The following PAK1IP1 variants were observed in gnomAD, a reference collection of about 807,000 sequenced individuals.
PAK1IP1 encodes the protein p21-activated protein kinase-interacting protein 1.
In PAK1IP1, 24 loss-of-function variants were observed where a neutral mutation model predicts 42.0. The ratio of observed to expected loss-of-function variants is 0.57; its 90% CI spans 0.41 to 0.80. The LOEUF is 0.80. Ranked by LOEUF, PAK1IP1 falls within the 30% of genes least tolerant of loss-of-function variation. The pLI, the probability that PAK1IP1 is intolerant of heterozygous loss-of-function variation, is 0.00. For missense variants in PAK1IP1, 411 were observed against 467.9 expected (o/e 0.88, Z 1.12); for synonymous variants, 154 against 156.7 (o/e 0.98, Z 0.13).
At chr6:10,697,635 C>T in intron 2 of PAK1IP1, 149 bp downstream of exon 2, 2 of 621,020 alleles carry the variant, frequency 3.2e-6, no homozygotes, top group African/African-American at 3.7e-5. Context: ...TAGCCTGGCA[C>T]AATGGCTCAC....
Position 10,702,483 on chromosome 6 carries a change from C to T in PAK1IP1, c.362C>T (p.Ala121Val), listed in dbSNP as rs1213806151. 1 of 1,614,138 alleles carries T rather than the reference C, an allele frequency of 6.2e-7. No homozygotes were observed. ...TGGGAATGCCTGAAGTCAATTAAAG[C>T]TCACAAGTGAGTCGGGCTCTTTCCC... ...KKWECLKSIK[A>V]HKGQVTFLSI... Residue 121 changes from alanine to valine, a missense_variant, in exon 3 of 10, where the codon GCT (alanine) becomes GTT (valine). By Grantham distance (64) the Ala-to-Val change is moderately conservative. Transcript: ENST00000379568.
intron 4 of PAK1IP1, among the ~76,000 whole-genome samples, chr6:10,703,073 G>T (rs566286123): frequency 1.3e-5 from 2 of 152,288 alleles, no homozygotes; most frequent in East Asian, 3.9e-4. Flanking sequence ...CGAAAGTGCT[G>T]GGATTACAGG....
chr6:10,693,242 AAT>A (rs1769513249), upstream of PAK1IP1, among the ~76,000 whole-genome samples: 1 of 152,204 alleles, frequency 6.6e-6, no homozygotes, highest in Non-Finnish European at 1.5e-5. Flanking sequence ...GTAAGGGACA[AAT>A]ATGTCTGCTT....
chr6:10,691,148 T>C (rs937034748), upstream of PAK1IP1, among the ~76,000 whole-genome samples: 5 of 152,196 alleles, frequency 3.3e-5, no homozygotes, highest in African/African-American at 1.2e-4. Flanking sequence ...ACTGAATCAC[T>C]GCATTTTACC....
intron 2 of PAK1IP1, among the ~76,000 whole-genome samples, chr6:10,701,146 G>A (rs1209651508): frequency 2.0e-5 from 3 of 151,982 alleles, no homozygotes; most frequent in Admixed American, 6.6e-5. Context: ...GGCAGAGCTC[G>A]GCTCACTGCA....
chr6:10,709,358 C>T lies in PAK1IP1; in HGVS notation c.1085C>T (p.Thr362Ile), dbSNP rs1381592765. 2 of 1,613,162 alleles carry T rather than the reference C, an allele frequency of 1.2e-6. No homozygotes were observed. Among genetic ancestry groups the T allele is most frequent in the Non-Finnish European group, 1.7e-6 (2 of 1,179,716 alleles). ...RGLTGDSKKATKESGLISTKK... is the reference protein window; with the variant it reads ...RGLTGDSKKAIKESGLISTKK... ...TTAACAGGTGACAGTAAGAAAGCAA[C>T]AAAAGAAAGTGGCCTGATATCAACC... The change falls in exon 10 of 10, where the codon ACA (threonine) becomes ATA (isoleucine). Residue 362 changes from threonine to isoleucine, a missense_variant. Coordinates refer to ENST00000379568, the MANE Select transcript of PAK1IP1 (RefSeq NM_017906.3).
At position 10,702,967 on chromosome 6, in the gene PAK1IP1, C is replaced by T. The variant is rs192791208; in HGVS notation, c.443+328C>T. ...AACTACAGGCGCCCACCACCACGCC[C>T]GGCTATTTTTTGTATTTTTAGTAGA... On this transcript the variant is annotated intron_variant, in intron 4 of 9. Coordinates refer to ENST00000379568, the MANE Select transcript of PAK1IP1 (RefSeq NM_017906.3). Among the ~76,000 whole-genome samples the T allele has an allele frequency of 2.4e-3, 368 of 152,104 alleles. 3 individuals carry two copies. Among genetic ancestry groups the T allele is most frequent in the African/African-American group, 8.3e-3 (345 of 41,480 alleles).
chr6:10,699,823 A>G (rs1473229081), intron 2 of PAK1IP1, among the ~76,000 whole-genome samples: 2 of 152,202 alleles, frequency 1.3e-5, no homozygotes, highest in African/African-American at 4.8e-5. Flanking sequence ...CTGCTATAAC[A>G]AAATACCTTA....
At chr6:10,691,438 G>A (rs749069885), upstream of PAK1IP1, among the ~76,000 whole-genome samples, 57 of 152,122 alleles carry the variant, frequency 3.7e-4, 1 homozygote, top group Non-Finnish European at 6.3e-4. Flanking sequence ...CCGGTAATTA[G>A]AACGGAACAG....
At position 10,697,468 on chromosome 6, in the gene PAK1IP1, G is replaced by T. The variant is rs1769892875; in HGVS notation, c.229G>T (p.Ala77Ser). ...YDMKKKIEHG[A>S]LVHHSGTITC... ...CATGAAAAAGAAGATTGAGCATGGGGCTCTAGTGCATCACAGTGGTAAGAA... is the reference window on the plus strand; with the variant it reads ...CATGAAAAAGAAGATTGAGCATGGGTCTCTAGTGCATCACAGTGGTAAGAA... Residue 77 changes from alanine (A) to serine (S), a missense_variant, in exon 2 of 10, where the codon GCT becomes TCT. Coordinates refer to ENST00000379568, the MANE Select transcript of PAK1IP1 (RefSeq NM_017906.3). 1 of 1,613,496 alleles carries T rather than the reference G, an allele frequency of 6.2e-7. No homozygotes were observed. The highest frequency in any genetic ancestry group is 1.3e-5 in the African/African-American group (1 of 75,020).
At chr6:10,696,156 G>GC (rs1769831007) in intron 1 of PAK1IP1, among the ~76,000 whole-genome samples, 1 of 152,134 alleles carries the variant, frequency 6.6e-6, no homozygotes, top group South Asian at 2.1e-4. Flanking sequence ...AATGTCAGGA[G>GC]CCCCCGAGGG....
chr6:10,694,612 A>ATGGTGT, upstream of PAK1IP1: 2 of 183,296 alleles, frequency 1.1e-5, no homozygotes, highest in South Asian at 9.7e-5. Context: ...AACCGGCCGG[A>ATGGTGT]AGTCGGCCCC....
At position 10,695,045 on chromosome 6, in the gene PAK1IP1, G is replaced by C. The variant is rs1341888426; in HGVS notation, c.60G>C (p.Glu20Asp). 7 of 1,602,550 alleles carry C rather than the reference G, an allele frequency of 4.4e-6. No homozygotes were observed. The highest frequency in any genetic ancestry group is 5.1e-6 in the Non-Finnish European group (6 of 1,179,116). ...QVLFGFAVHPEPEACGDHEQW... is the reference protein window; with the variant it reads ...QVLFGFAVHPDPEACGDHEQW... Reference sequence around the variant, plus strand: ...TCTTTGGGTTCGCTGTACACCCGGAGCCCGAGGCTTGCGGCGACCACGAGG... The same window carrying C: ...TCTTTGGGTTCGCTGTACACCCGGACCCCGAGGCTTGCGGCGACCACGAGG... The change falls in exon 1 of 10, where the codon GAG (glutamate) becomes GAC (aspartate). Residue 20 changes from glutamate (E) to aspartate (D), a missense_variant. Physicochemically the swap from Glu to Asp is conservative, Grantham distance 45 (BLOSUM62 2). Coordinates refer to ENST00000379568, the MANE Select transcript of PAK1IP1 (RefSeq NM_017906.3).
In PAK1IP1 at chr6:10,704,599, A is replaced by G; in HGVS notation, c.589A>G (p.Ile197Val). The G allele has an allele frequency of 6.2e-7, 1 of 1,608,632 alleles. No individual in the cohort carries two copies. The change falls in exon 6 of 10, where the codon ATT becomes GTT. Residue 197 changes from isoleucine (I) to valine (V), a missense_variant. Coordinates refer to ENST00000379568, the MANE Select transcript of PAK1IP1 (RefSeq NM_017906.3). ...IDIYQLDTAS[I>V]SGTITNEKRI... ...CATCTATCAGCTTGACACTGCATCC[A>G]TTAGTGGCACCATCACAAATGAAAA...
chr6:10,700,378 TGTCGCCA>T (rs1237279534), intron 2 of PAK1IP1, among the ~76,000 whole-genome samples: 4 of 152,190 alleles, frequency 2.6e-5, no homozygotes, highest in Non-Finnish European at 5.9e-5. Flanking sequence ...ACTTTTATAA[TGTCGCCA>T]GTCCTCTAAT....
intron 7 of PAK1IP1, 71 bp from the exon 8 acceptor site, chr6:10,707,340 TTGTG>T: frequency 1.2e-6 from 1 of 858,006 alleles, no homozygotes; most frequent in Non-Finnish European, 2.0e-6. Context: ...GCACTAGTCT[TTGTG>T]TGTAATTTTA....
intron 5 of PAK1IP1, among the ~76,000 whole-genome samples, 192 bp from the exon 6 acceptor site, chr6:10,704,315 G>A (rs1561893600): frequency 6.6e-6 from 1 of 152,166 alleles, no homozygotes; most frequent in Non-Finnish European, 1.5e-5. Context: ...GTGAGCCACT[G>A]CACCTGGCCC....
At chr6:10,693,034 GACTA>G (rs372311868), upstream of PAK1IP1, among the ~76,000 whole-genome samples, 231 of 152,310 alleles carry the variant, frequency 1.5e-3, no homozygotes, top group African/African-American at 5.3e-3. Flanking sequence ...TTCTTTTAAA[GACTA>G]ACTTACTTCA....
intron 1 of PAK1IP1, among the ~76,000 whole-genome samples, chr6:10,695,315 C>T (rs2127477697): frequency 6.6e-6 from 1 of 152,310 alleles, no homozygotes; most frequent in African/African-American, 2.4e-5. Context: ...ACCGGCATTT[C>T]TGCATACGGA....
Sources: allele counts gnomAD v4.1 joint callset (sites outside exome capture counted in the v4.1 genomes callset), GRCh38; gene constraint gnomAD v4.1.1; transcripts MANE v1.5; gene names NCBI Gene and HGNC (gene_info 2026-07-23, HGNC 2026-07-21).